Variants in ATP2C1 observed in about 807,000 individuals in gnomAD.
The protein encoded by ATP2C1 is calcium-transporting ATPase type 2C member 1.
ATP2C1 carries 31 observed loss-of-function variants against 120.5 expected under a neutral mutation model. The ratio of observed to expected loss-of-function variants is 0.26; its 90% CI spans 0.19 to 0.35. The LOEUF (loss-of-function observed/expected upper bound fraction) is 0.35, where lower values mean the gene tolerates loss of function less well. ATP2C1 is among the 10% of genes least tolerant of loss of function. The pLI, the probability that ATP2C1 is intolerant of heterozygous loss-of-function variation, is 1.00. For missense variants in ATP2C1, 731 were observed against 1,107.5 expected (o/e 0.66, Z 4.83); for synonymous variants, 351 against 358.7 (o/e 0.98, Z 0.24).
intron 20 of ATP2C1, among the ~76,000 whole-genome samples, chr3:130,981,244 T>G (rs1209524231): frequency 6.6e-6 from 1 of 152,172 alleles, no homozygotes; most frequent in African/African-American, 2.4e-5. Flanking sequence ...ATTCTTTTTT[T>G]GTCTCTGCCA....
chr3:130,897,077 G>T (rs1375852678), intron 2 of ATP2C1, among the ~76,000 whole-genome samples: 1 of 152,184 alleles, frequency 6.6e-6, no homozygotes, highest in East Asian at 1.9e-4. Context: ...CTAGCTGAAT[G>T]TTTGATACAT....
chr3:130,878,389 G>A (rs4682608), intron 1 of ATP2C1, among the ~76,000 whole-genome samples: 15,280 of 152,046 alleles, frequency 0.1, 879 homozygotes, highest in Non-Finnish European at 0.13. Flanking sequence ...TGTACCCTTT[G>A]TTTCTTTTTG....
At chr3:130,970,298 C>T (rs909412232) in intron 17 of ATP2C1, among the ~76,000 whole-genome samples, 9 of 148,838 alleles carry the variant, frequency 6.0e-5, no homozygotes, top group South Asian at 2.1e-4. Flanking sequence ...ACCTGGGAGG[C>T]GGAGGTTGCA....
intron 1 of ATP2C1, among the ~76,000 whole-genome samples, chr3:130,879,675 T>G (rs2068721556): frequency 6.6e-6 from 1 of 152,262 alleles, no homozygotes; most frequent in African/African-American, 2.4e-5. Flanking sequence ...TCTTCCAATT[T>G]TATACAGTAT....
intron 18 of ATP2C1, among the ~76,000 whole-genome samples, chr3:130,977,808 T>C (rs987874548): frequency 1.3e-5 from 2 of 152,288 alleles, no homozygotes; most frequent in African/African-American, 4.8e-5. Context: ...CCCCCTGAGA[T>C]TACCGTAATG....
At chr3:130,898,090 G>T (rs2069795618) in intron 2 of ATP2C1, among the ~76,000 whole-genome samples, 1 of 152,034 alleles carries the variant, frequency 6.6e-6, no homozygotes, top group African/African-American at 2.4e-5. Flanking sequence ...TTTATTTTTT[G>T]GAATAAATTT....
At chr3:130,900,367 A>G (rs1434891557) in intron 2 of ATP2C1, among the ~76,000 whole-genome samples, 1 of 152,152 alleles carries the variant, frequency 6.6e-6, no homozygotes, top group Non-Finnish European at 1.5e-5. Flanking sequence ...CAGCTTTAGT[A>G]TGACATTCTT....
At chr3:130,915,590 A>G (rs923834901) in intron 2 of ATP2C1, among the ~76,000 whole-genome samples, 2 of 152,168 alleles carry the variant, frequency 1.3e-5, no homozygotes, top group African/African-American at 4.8e-5. Context: ...TATTGAGTTT[A>G]TAGTGTAGTT....
At chr3:130,908,119 C>G (rs1374859670) in intron 2 of ATP2C1, among the ~76,000 whole-genome samples, 1 of 152,050 alleles carries the variant, frequency 6.6e-6, no homozygotes, top group African/African-American at 2.4e-5. Context: ...ATAGAAGCTT[C>G]TGAGTTTGAA....
upstream of ATP2C1, among the ~76,000 whole-genome samples, chr3:130,890,487 A>C (rs145823310): frequency 7.7e-3 from 1,177 of 152,358 alleles, 25 homozygotes; most frequent in African/African-American, 0.026. Context: ...ATAAAAATTA[A>C]GAGTATAAGT....
intron 8 of ATP2C1, among the ~76,000 whole-genome samples, chr3:130,948,650 T>C (rs1341353817): frequency 6.6e-6 from 1 of 152,274 alleles, no homozygotes. Flanking sequence ...CTTTTTTCCT[T>C]CTGAGATTGT....
chr3:130,922,169 C>T (rs1323529995), intron 2 of ATP2C1, among the ~76,000 whole-genome samples: 1 of 152,068 alleles, frequency 6.6e-6, no homozygotes, highest in Non-Finnish European at 1.5e-5. Flanking sequence ...GTTTCTGTAT[C>T]TTCCTGATTT....
At chr3:130,965,621 TGGCTTTATA>T (rs1343935859) in intron 14 of ATP2C1, among the ~76,000 whole-genome samples, 1 of 152,146 alleles carries the variant, frequency 6.6e-6, no homozygotes, top group Admixed American at 6.6e-5. Flanking sequence ...CCAAGTATAC[TGGCTTTATA>T]GTTCTTTCGA....
exon 27 of ATP2C1, chr3:131,016,483 C>T: frequency 1.1e-6 from 1 of 898,076 alleles, no homozygotes; most frequent in Non-Finnish European, 1.7e-6. Flanking sequence ...TTCATAAATG[C>T]CTTGCTGTAT....
chr3:130,973,659 T>C (rs1003212445), intron 17 of ATP2C1, among the ~76,000 whole-genome samples: 1 of 152,202 alleles, frequency 6.6e-6, no homozygotes, highest in Non-Finnish European at 1.5e-5. Context: ...TTATGAATTA[T>C]TTATTTTTGG....
intron 2 of ATP2C1, among the ~76,000 whole-genome samples, chr3:130,924,508 C>A (rs1313709831): frequency 6.6e-6 from 1 of 152,162 alleles, no homozygotes; most frequent in South Asian, 2.1e-4. Context: ...TCTTAAGATT[C>A]TTTCCTTCAT....
chr3:130,866,318 T>C (rs997773909), intron 1 of ATP2C1, among the ~76,000 whole-genome samples: 1 of 152,378 alleles, frequency 6.6e-6, no homozygotes, highest in South Asian at 2.1e-4. Context: ...AATTTGTGTG[T>C]AATATACTTG....
intron 11 of ATP2C1, among the ~76,000 whole-genome samples, chr3:130,957,072 A>C (rs2060614071): frequency 6.6e-6 from 1 of 152,174 alleles, no homozygotes; most frequent in Non-Finnish European, 1.5e-5. Flanking sequence ...AATGCTAAGC[A>C]TGTGGGACTT....
At chr3:130,985,642 A>G (rs1048879834) in intron 20 of ATP2C1, among the ~76,000 whole-genome samples, 1 of 71,032 alleles carries the variant, frequency 1.4e-5, no homozygotes, top group Non-Finnish European at 3.0e-5. Flanking sequence ...CCCCCACCCC[A>G]CCTCCCCCGC....
Sources: allele counts gnomAD v4.1 joint callset (sites outside exome capture counted in the v4.1 genomes callset), GRCh38; gene constraint gnomAD v4.1.1; transcripts MANE v1.5; gene names NCBI Gene and HGNC (gene_info 2026-07-23, HGNC 2026-07-21).